Variants in PTPRG observed in about 807,000 individuals in gnomAD.
PTPRG encodes receptor-type tyrosine-protein phosphatase gamma.
In PTPRG, 102 loss-of-function variants were observed where a neutral mutation model predicts 165.3. That is an observed-to-expected ratio of 0.62 (90% CI 0.53 to 0.73). PTPRG has a LOEUF of 0.73. Ranked by LOEUF, PTPRG falls within the 30% of genes least tolerant of loss-of-function variation. The pLI is 0.00. For missense variants in PTPRG, 1,866 were observed against 1,861.4 expected (o/e 1.00, Z -0.05); for synonymous variants, 675 against 669.5 (o/e 1.01, Z -0.13).
rs549198119 is a variant in PTPRG at position 62,011,230 on chromosome 3, G to C, written c.519+7733G>C. Among the ~76,000 whole-genome samples the C allele has an allele frequency of 5.3e-5, 8 of 152,272 alleles. No homozygotes were observed. The South Asian group carries it at 1.7e-3, about 32-fold the overall frequency. On this transcript the variant is annotated intron_variant, in intron 4 of 29. Transcript: ENST00000474889. Reference sequence around the variant, plus strand: ...TTAAGGAATTGAATTGTCCGCCGCTGGCATATTTAGGCAAGCTCCCTGTGC... The same window carrying C: ...TTAAGGAATTGAATTGTCCGCCGCTCGCATATTTAGGCAAGCTCCCTGTGC...
intron 8 of PTPRG, among the ~76,000 whole-genome samples, chr3:62,182,548 C>A (rs1183232642): frequency 6.6e-6 from 1 of 152,234 alleles, no homozygotes; most frequent in East Asian, 1.9e-4. Flanking sequence ...ACTGGGCTGT[C>A]ATCTCCAGGG....
intron 2 of PTPRG, among the ~76,000 whole-genome samples, chr3:61,860,862 A>G (rs533509431): frequency 2.0e-5 from 3 of 152,216 alleles, no homozygotes; most frequent in East Asian, 1.9e-4. Flanking sequence ...GTTCTACACA[A>G]TTTTATCACT....
chr3:61,860,987 G>A (rs1259839608), intron 2 of PTPRG, among the ~76,000 whole-genome samples: 2 of 151,942 alleles, frequency 1.3e-5, no homozygotes, highest in African/African-American at 4.8e-5. Flanking sequence ...CCCAACCCGG[G>A]CAACCACTAA....
intron 5 of PTPRG, among the ~76,000 whole-genome samples, chr3:62,116,168 A>C (rs1465396953): frequency 6.6e-6 from 1 of 152,170 alleles, no homozygotes; most frequent in Non-Finnish European, 1.5e-5. Flanking sequence ...AGGTCTGCCC[A>C]ACTCTTAAAG....
intron 2 of PTPRG, among the ~76,000 whole-genome samples, chr3:61,783,395 T>TA (rs2034601512): frequency 1.3e-5 from 2 of 152,156 alleles, no homozygotes; most frequent in Admixed American, 1.3e-4. Flanking sequence ...TCCTAGGAAC[T>TA]AAAATACTTA....
At chr3:62,002,367 C>T (rs1304036269) in intron 3 of PTPRG, among the ~76,000 whole-genome samples, 3 of 151,984 alleles carry the variant, frequency 2.0e-5, no homozygotes, top group African/African-American at 7.2e-5. Flanking sequence ...ACAAACCATT[C>T]GGTATATTGT....
At chr3:61,660,652 C>T (rs1176400225) in intron 1 of PTPRG, among the ~76,000 whole-genome samples, 4 of 152,218 alleles carry the variant, frequency 2.6e-5, no homozygotes, top group East Asian at 1.9e-4. Flanking sequence ...TAGAACAGCA[C>T]GTGGTTCAGT....
chr3:61,667,336 G>T (rs1190021976), intron 1 of PTPRG, among the ~76,000 whole-genome samples: 5 of 152,184 alleles, frequency 3.3e-5, no homozygotes, highest in Non-Finnish European at 7.3e-5. Flanking sequence ...GGGATGGAGA[G>T]AAAACTTCCT....
intron 1 of PTPRG, among the ~76,000 whole-genome samples, chr3:61,604,768 C>A (rs2106856196): frequency 6.6e-6 from 1 of 152,136 alleles, no homozygotes; most frequent in East Asian, 1.9e-4. Context: ...ACCCTATTAG[C>A]TGTGCCACGG....
chr3:62,208,488 A>G lies in PTPRG; in HGVS notation c.2155+4538A>G, dbSNP rs1036156755. ...TCAGAAACTCAGTATGTGAACACTC[A>G]TTGCTGAAGGTTTACTGACTGCATC... On this transcript the variant is annotated intron_variant, in intron 12 of 29. Coordinates refer to ENST00000474889, the MANE Select transcript of PTPRG (RefSeq NM_002841.4). 3.3e-5 allele frequency among the ~76,000 whole-genome samples: 5 copies of G among 152,160 alleles called. No individual in the cohort carries two copies. The East Asian group carries it at 5.8e-4, about 18-fold the overall frequency.
chr3:61,930,950 C>T (rs1018821834), intron 2 of PTPRG, among the ~76,000 whole-genome samples: 7 of 152,086 alleles, frequency 4.6e-5, no homozygotes, highest in African/African-American at 1.7e-4. Context: ...ACCTGTAGTC[C>T]CAGCTACTCG....
At chr3:62,107,522 C>G (rs9855694) in intron 5 of PTPRG, among the ~76,000 whole-genome samples, 1 of 152,260 alleles carries the variant, frequency 6.6e-6, no homozygotes, top group South Asian at 2.1e-4. Context: ...GCTATAAATA[C>G]CAGTGTATAA....
Position 62,267,270 on chromosome 3 carries a change from A to G in PTPRG, c.2657-140A>G, listed in dbSNP as rs866661577. 1.0e-4 allele frequency: 66 copies of G among 634,392 alleles called. No individual in the cohort carries two copies. The African/African-American group carries it at 1.1e-3, about 11-fold the overall frequency. The allele number at this position is 634,392 out of a possible 1,614,324, so 39.3% of individuals were successfully genotyped here. A position where few individuals can be genotyped will look rare whatever the true frequency, so the allele number is the denominator to read the frequency against. ...ATTTTGGGATGGGTTTGAATGCTCTATTTAGTTGTTCTGCCAAAAGTTTTC... is the reference window on the plus strand; with the variant it reads ...ATTTTGGGATGGGTTTGAATGCTCTGTTTAGTTGTTCTGCCAAAAGTTTTC... On this transcript the variant is annotated intron_variant, in intron 17 of 29. Transcript: ENST00000474889.
intron 2 of PTPRG, among the ~76,000 whole-genome samples, chr3:61,888,620 A>AG (rs2038122883): frequency 6.6e-6 from 1 of 152,164 alleles, no homozygotes; most frequent in Admixed American, 6.5e-5. Flanking sequence ...CTTGAGCCAC[A>AG]GTACCCAGCC....
chr3:61,655,594 T>A (rs915585424), intron 1 of PTPRG, among the ~76,000 whole-genome samples: 1 of 152,062 alleles, frequency 6.6e-6, no homozygotes, highest in Non-Finnish European at 1.5e-5. Context: ...ATATTTTGGC[T>A]CTTTTACTTT....
At chr3:61,718,216 A>C (rs892700640) in intron 1 of PTPRG, among the ~76,000 whole-genome samples, 1 of 148,738 alleles carries the variant, frequency 6.7e-6, no homozygotes, top group Non-Finnish European at 1.5e-5. Context: ...CAAAAACCAA[A>C]AAAAAAAAAA....
chr3:61,681,858 G>A (rs1703452891), intron 1 of PTPRG, among the ~76,000 whole-genome samples: 1 of 152,056 alleles, frequency 6.6e-6, no homozygotes, highest in African/African-American at 2.4e-5. Context: ...TGACTGAAAA[G>A]TAAACTAGTG....
At chr3:62,279,416 T>C (rs1330804364) in intron 26 of PTPRG, among the ~76,000 whole-genome samples, 2 of 152,098 alleles carry the variant, frequency 1.3e-5, no homozygotes, top group Non-Finnish European at 2.9e-5. Flanking sequence ...TTAAGCTAGT[T>C]AATTTACTAT....
chr3:62,106,364 C>T (rs567564330), intron 5 of PTPRG, among the ~76,000 whole-genome samples: 65 of 152,294 alleles, frequency 4.3e-4, no homozygotes, highest in African/African-American at 1.5e-3. Flanking sequence ...AAAGTCATAA[C>T]TCAGGAAAGT....
Sources: gnomAD v4.1 joint callset for allele counts (sites outside exome capture counted in the v4.1 genomes callset) on GRCh38, gnomAD v4.1.1 for gene constraint, MANE v1.5 for transcripts, NCBI Gene and HGNC (gene_info 2026-07-23, HGNC 2026-07-21) for gene names.